Variants in TTC6 observed in about 807,000 individuals in gnomAD.
The protein encoded by TTC6 is tetratricopeptide repeat protein 6.
TTC6 carries 172 observed loss-of-function variants against 210.4 expected under a neutral mutation model. The observed-to-expected ratio is 0.82, with a 90% CI of 0.72 to 0.93. The LOEUF (loss-of-function observed/expected upper bound fraction) is 0.93. TTC6 is among the 40% of genes least tolerant of loss of function. The pLI, the probability that TTC6 is intolerant of heterozygous loss-of-function variation, is 0.00. For synonymous variants in TTC6, 804 were observed against 819.6 expected, an observed-to-expected ratio of 0.98 and a Z score of 0.32; for missense variants, 2,414 against 2,318.1, an observed-to-expected ratio of 1.04 and a Z score of -0.85.
exon 14 of TTC6, chr14:37,753,175 T>C (rs945227253): frequency 1.3e-6 from 2 of 1,535,594 alleles, no homozygotes; most frequent in Non-Finnish European, 1.7e-6. Context: ...GAAAACTGGT[T>C]TGCAGCCATA....
intron 13 of TTC6, among the ~76,000 whole-genome samples, chr14:37,752,483 C>A (rs2095955166): frequency 6.6e-6 from 1 of 150,394 alleles, no homozygotes. Flanking sequence ...TAGAGTAATG[C>A]AGTACATTGA....
chr14:37,741,594 C>A (rs1471315350), intron 10 of TTC6, among the ~76,000 whole-genome samples: 1 of 151,992 alleles, frequency 6.6e-6, no homozygotes, highest in Non-Finnish European at 1.5e-5. Flanking sequence ...CTGGCCTTTT[C>A]TCACTAATCT....
At chr14:37,832,336 T>C (rs1336462483) in intron 29 of TTC6, among the ~76,000 whole-genome samples, 5 of 138,192 alleles carry the variant, frequency 3.6e-5, no homozygotes, top group South Asian at 2.1e-4. Flanking sequence ...TCTCTTTTTT[T>C]TTTTTTTTTT....
intron 1 of TTC6, among the ~76,000 whole-genome samples, chr14:37,597,041 G>A (rs1396055583): frequency 6.6e-6 from 1 of 150,524 alleles, no homozygotes; most frequent in African/African-American, 2.4e-5. Flanking sequence ...GGGTGGGGGG[G>A]TAGAAACGTC....
At chr14:37,654,674 C>T (rs759664360) in intron 1 of TTC6, among the ~76,000 whole-genome samples, 3 of 152,074 alleles carry the variant, frequency 2.0e-5, no homozygotes, top group Non-Finnish European at 4.4e-5. Flanking sequence ...ATATATTAAA[C>T]GTAGCCTTAA....
At chr14:37,741,010 G>T (rs2095917337) in intron 10 of TTC6, among the ~76,000 whole-genome samples, 2 of 152,036 alleles carry the variant, frequency 1.3e-5, no homozygotes, top group African/African-American at 4.8e-5. Flanking sequence ...CATTTAAAAA[G>T]ATTTCTTTGC....
chr14:37,720,785 A>C (rs955696890), intron 6 of TTC6, among the ~76,000 whole-genome samples: 4 of 152,164 alleles, frequency 2.6e-5, no homozygotes, highest in African/African-American at 4.8e-5. Flanking sequence ...GAAATGACAA[A>C]ATTATACAAA....
chr14:37,785,730 C>T (rs2096065993), intron 14 of TTC6, among the ~76,000 whole-genome samples: 1 of 152,204 alleles, frequency 6.6e-6, no homozygotes, highest in South Asian at 2.1e-4. Flanking sequence ...AGCTTTTCTG[C>T]TCTGGTTTAT....
intron 2 of TTC6, among the ~76,000 whole-genome samples, chr14:37,610,046 G>A (rs189879990): frequency 6.6e-6 from 1 of 152,298 alleles, no homozygotes; most frequent in African/African-American, 2.4e-5. Context: ...AGACCTTAGA[G>A]GGTGGATTAT....
chr14:37,813,332 T>C (rs1049834037), intron 25 of TTC6, among the ~76,000 whole-genome samples: 3 of 152,174 alleles, frequency 2.0e-5, no homozygotes, highest in African/African-American at 7.2e-5. Flanking sequence ...TATCACTAGG[T>C]ATAACCTCAG....
At chr14:37,805,736 C>T (rs1418974884) in intron 21 of TTC6, among the ~76,000 whole-genome samples, 1 of 152,090 alleles carries the variant, frequency 6.6e-6, no homozygotes, top group Non-Finnish European at 1.5e-5. Flanking sequence ...GAGTTTCGCT[C>T]TGTCGCCAGG....
chr14:37,609,320 G>C (rs1280694258), intron 2 of TTC6, among the ~76,000 whole-genome samples: 1 of 152,160 alleles, frequency 6.6e-6, no homozygotes, highest in African/African-American at 2.4e-5. Context: ...GGAGACTGAG[G>C]CAGGAGGATT....
intron 14 of TTC6, 60 bp downstream of exon 16, chr14:37,753,295 G>T: frequency 7.2e-7 from 1 of 1,387,840 alleles, no homozygotes. Context: ...TACATTTTCA[G>T]AACAGAAAAT....
chr14:37,785,433 T>A (rs1360643287), intron 14 of TTC6, among the ~76,000 whole-genome samples: 2 of 152,228 alleles, frequency 1.3e-5, no homozygotes, highest in Non-Finnish European at 2.9e-5. Flanking sequence ...TGTGCATGCA[T>A]CACGTAGTTC....
intron 21 of TTC6, 94 bp from the exon 24 acceptor site, chr14:37,806,267 T>C: frequency 1.6e-6 from 2 of 1,284,786 alleles, no homozygotes; most frequent in Non-Finnish European, 2.1e-6. Context: ...GAGTGAAACT[T>C]TTCAACAATA....
chr14:37,696,521 TTTATTG>T (rs2095815110), intron 3 of TTC6, among the ~76,000 whole-genome samples, 190 bp from the exon 6 acceptor site: 1 of 152,094 alleles, frequency 6.6e-6, no homozygotes, highest in Non-Finnish European at 1.5e-5. Flanking sequence ...TACTAATATT[TTTATTG>T]TTATATAGGT....
At chr14:37,791,865 C>T (rs1220209858) in intron 16 of TTC6, among the ~76,000 whole-genome samples, 1 of 152,048 alleles carries the variant, frequency 6.6e-6, no homozygotes, top group African/African-American at 2.4e-5. Flanking sequence ...AACCCCAAGC[C>T]ACCAAACCCT....
intron 1 of TTC6, among the ~76,000 whole-genome samples, chr14:37,601,561 G>A (rs1294167863): frequency 2.0e-5 from 3 of 152,184 alleles, no homozygotes; most frequent in African/African-American, 7.2e-5. Context: ...GGAAAACAAA[G>A]GTTTTGTGGA....
intron 2 of TTC6, among the ~76,000 whole-genome samples, chr14:37,607,288 C>A (rs1349248607): frequency 1.3e-5 from 2 of 152,164 alleles, no homozygotes; most frequent in Non-Finnish European, 2.9e-5. Flanking sequence ...GGGAAATGTC[C>A]TTGTGTGTTC....
Sources: gnomAD v4.1 joint callset for allele counts (sites outside exome capture counted in the v4.1 genomes callset) on GRCh38, gnomAD v4.1.1 for gene constraint, MANE v1.5 for transcripts, NCBI Gene and HGNC (gene_info 2026-07-23, HGNC 2026-07-21) for gene names.